Variants in COL5A2 observed in about 807,000 individuals in gnomAD.
The protein encoded by COL5A2 is collagen alpha-2(V) chain.
In COL5A2, 23 loss-of-function variants were observed where a neutral mutation model predicts 208.2. The observed-to-expected ratio is 0.11, with a 90% CI of 0.08 to 0.16. COL5A2 has a LOEUF of 0.16. COL5A2 is among the 10% of genes least tolerant of loss of function. COL5A2 has a pLI of 1.00. For synonymous variants in COL5A2, 625 were observed against 628.5 expected (o/e 0.99, Z 0.08); for missense variants, 1,590 against 1,956.4 (o/e 0.81, Z 3.53).
intron 1 of COL5A2, among the ~76,000 whole-genome samples, chr2:189,194,061 TA>T (rs1165508515): frequency 6.6e-6 from 1 of 152,208 alleles, no homozygotes; most frequent in Non-Finnish European, 1.5e-5. Context: ...AATAAGTTAA[TA>T]AATGTTTAGA....
rs566006687 is a variant in COL5A2 at position 189,064,993 on chromosome 2, G to T, written c.1617+11C>A. ...CCCACGTAAGTATCAACATTGACAGGGCAACCTCACCTTTGGCCCAGGTAA... is the reference window on the plus strand; with the variant it reads ...CCCACGTAAGTATCAACATTGACAGTGCAACCTCACCTTTGGCCCAGGTAA... On this transcript the variant is annotated intron_variant, in intron 24 of 53. Coordinates refer to ENST00000374866, the MANE Select transcript of COL5A2 (RefSeq NM_000393.5). The T allele has an allele frequency of 6.2e-7, 1 of 1,613,374 alleles. No individual in the cohort carries two copies. The highest frequency in any genetic ancestry group is 1.1e-5 in the South Asian group (1 of 90,972).
intron 1 of COL5A2, among the ~76,000 whole-genome samples, chr2:189,141,229 C>T (rs1406897387): frequency 6.6e-6 from 1 of 152,088 alleles, no homozygotes. Context: ...CAGTTAAAAA[C>T]ATTGGTGAAT....
At chr2:189,348,876 ATTC>A in the COL5A2 span, among the ~76,000 whole-genome samples, 1 of 152,186 alleles carries the variant, frequency 6.6e-6, no homozygotes, top group Admixed American at 6.6e-5. Context: ...TTAGCTGTAG[ATTC>A]TGTTACCAGC....
chr2:189,251,422 A>T, the COL5A2 span, among the ~76,000 whole-genome samples: 3 of 152,178 alleles, frequency 2.0e-5, no homozygotes, highest in Non-Finnish European at 4.4e-5. Context: ...AGTGAACTAA[A>T]CAGACAGAAT....
rs567747430 is a variant in COL5A2, at chr2:189,136,730, T to G, written c.98-26281A>C. 5.3e-5 allele frequency among the ~76,000 whole-genome samples: 8 copies of G among 151,960 alleles called. No homozygotes were observed. In the South Asian group the frequency reaches 1.7e-3, roughly 31 times the overall value. The stretch of plus-strand genomic sequence containing the variant: ...TTATAATAGTTATTATATTTTATCT[T>G]ACATTTATTTTTAATACTTGGAATT... On this transcript the variant is annotated intron_variant, in intron 1 of 53. Coordinates refer to ENST00000374866, the MANE Select transcript of COL5A2 (RefSeq NM_000393.5).
the COL5A2 span, among the ~76,000 whole-genome samples, chr2:189,412,089 T>G: frequency 2.0e-5 from 3 of 152,278 alleles, no homozygotes; most frequent in South Asian, 4.1e-4. Context: ...CACATGGAAA[T>G]TAAACTTAGG....
chr2:189,311,822 G>C, the COL5A2 span: 6 of 1,245,586 alleles, frequency 4.8e-6, no homozygotes, highest in Admixed American at 8.5e-5. Context: ...CTGAGATTTG[G>C]GGGCATCTAC....
At chr2:189,074,486 T>A (rs1686352796) in intron 17 of COL5A2, among the ~76,000 whole-genome samples, 1 of 152,178 alleles carries the variant, frequency 6.6e-6, no homozygotes, top group Non-Finnish European at 1.5e-5. Flanking sequence ...TCATTTCTCA[T>A]TCCATGTTAC....
the COL5A2 span, among the ~76,000 whole-genome samples, chr2:189,395,693 C>G: frequency 6.6e-6 from 1 of 151,556 alleles, no homozygotes; most frequent in Non-Finnish European, 1.5e-5. Flanking sequence ...CACTTGAGGT[C>G]AGGAGTTCGA....
chr2:189,093,083 C>T, intron 6 of COL5A2, among the ~76,000 whole-genome samples: 1 of 152,140 alleles, frequency 6.6e-6, no homozygotes, highest in East Asian at 1.9e-4. Flanking sequence ...GCACTGTGAC[C>T]CAGCCAAGTC....
At chr2:189,246,958 G>A in the COL5A2 span, among the ~76,000 whole-genome samples, 1 of 152,142 alleles carries the variant, frequency 6.6e-6, no homozygotes, top group Non-Finnish European at 1.5e-5. Flanking sequence ...TCTACCCAAA[G>A]TTAATGAATT....
chr2:189,227,208 C>A (rs990934890), upstream of COL5A2, among the ~76,000 whole-genome samples: 5 of 151,902 alleles, frequency 3.3e-5, no homozygotes, highest in African/African-American at 9.7e-5. Context: ...GGAAAAATGG[C>A]CCAATCAAAG....
chr2:189,139,162 C>A (rs934020649), intron 1 of COL5A2, among the ~76,000 whole-genome samples: 1 of 152,148 alleles, frequency 6.6e-6, no homozygotes, highest in African/African-American at 2.4e-5. Flanking sequence ...GTAATCCCAG[C>A]ACTTTGGGAG....
At chr2:189,408,817 T>G in the COL5A2 span, among the ~76,000 whole-genome samples, 1 of 152,140 alleles carries the variant, frequency 6.6e-6, no homozygotes, top group Non-Finnish European at 1.5e-5. Context: ...CCAGATATAT[T>G]TGTGAGTCTG....
the COL5A2 span, among the ~76,000 whole-genome samples, chr2:189,290,754 A>ACACACACACAT: frequency 6.6e-6 from 1 of 151,496 alleles, no homozygotes; most frequent in Admixed American, 6.6e-5. Context: ...ACACACACAC[A>ACACACACACAT]CATTATTATA....
chr2:189,068,467 A>T (rs1350076104), intron 19 of COL5A2, among the ~76,000 whole-genome samples, 197 bp from the exon 20 acceptor site: 1 of 152,164 alleles, frequency 6.6e-6, no homozygotes, highest in African/African-American at 2.4e-5. Context: ...AGAGTTGACA[A>T]GGGAAATATA....
chr2:189,061,690 A>G (rs1686036439), intron 29 of COL5A2, 75 bp from the exon 30 acceptor site: 1 of 1,051,780 alleles, frequency 9.5e-7, no homozygotes, highest in East Asian at 2.4e-5. Flanking sequence ...GAACCACTAG[A>G]AGTACTGATA....
the COL5A2 span, among the ~76,000 whole-genome samples, chr2:189,380,006 T>C: frequency 9.9e-5 from 15 of 152,214 alleles, no homozygotes; most frequent in South Asian, 2.1e-4. Flanking sequence ...TTTTAGAATA[T>C]ATAACTCCTC....
chr2:189,082,856 C>T (rs542252229), intron 12 of COL5A2, among the ~76,000 whole-genome samples: 1 of 152,318 alleles, frequency 6.6e-6, no homozygotes, highest in South Asian at 2.1e-4. Context: ...GACATCTGTG[C>T]TAATGACTAA....
Sources: gnomAD v4.1 joint callset for allele counts (sites outside exome capture counted in the v4.1 genomes callset) on GRCh38, gnomAD v4.1.1 for gene constraint, MANE v1.5 for transcripts, NCBI Gene and HGNC (gene_info 2026-07-23, HGNC 2026-07-21) for gene names.